The following IMMP2L variants were observed in gnomAD, a reference collection of about 807,000 sequenced individuals.
IMMP2L encodes the protein mitochondrial inner membrane protease subunit 2.
In IMMP2L, 18 loss-of-function variants were observed where a neutral mutation model predicts 19.3. That is an observed-to-expected ratio of 0.93 (90% CI 0.64 to 1.38). The LOEUF is 1.38. Among genes scored for constraint, IMMP2L ranks in the 40% most tolerant of loss-of-function variants. IMMP2L has a pLI of 0.00. For missense variants in IMMP2L, 233 were observed against 218.2 expected, an observed-to-expected ratio of 1.07 and a Z score of -0.43; for synonymous variants, 76 against 73.0, an observed-to-expected ratio of 1.04 and a Z score of -0.21.
Position 111,451,568 on chromosome 7 carries a change from G to C in IMMP2L, c.239+35670C>G, listed in dbSNP as rs1352050650. 2.4e-3 allele frequency among the ~76,000 whole-genome samples: 287 copies of C among 118,832 alleles called. 1 individual carries two copies. Among genetic ancestry groups the C allele is most frequent in the Non-Finnish European group, 3.8e-3 (217 of 57,568 alleles). The allele number at this position is 118,832 out of a possible 152,430, so 78.0% of individuals were successfully genotyped here. A position where few individuals can be genotyped will look rare whatever the true frequency, so the allele number is the denominator to read the frequency against. On this transcript the variant is annotated intron_variant, in intron 3 of 5. Coordinates refer to ENST00000405709, the MANE Select transcript of IMMP2L (RefSeq NM_032549.4). ...CACACTCTGGGGACTGTGGTGGGGA[G>C]GGGGGAGGGGGGAGGGATAGCATTG...
intron 3 of IMMP2L, among the ~76,000 whole-genome samples, chr7:111,034,851 C>T (rs904629178): frequency 2.0e-5 from 3 of 152,112 alleles, no homozygotes; most frequent in Non-Finnish European, 2.9e-5. Flanking sequence ...ACCAGAAACT[C>T]GTTCCAGCAC....
At chr7:111,377,288 T>A (rs1830760210) in intron 3 of IMMP2L, among the ~76,000 whole-genome samples, 1 of 151,914 alleles carries the variant, frequency 6.6e-6, no homozygotes, top group African/African-American at 2.4e-5. Context: ...TGCGTTCATA[T>A]ATATAAAGAA....
At chr7:110,928,042 A>G (rs2129551315) in intron 4 of IMMP2L, among the ~76,000 whole-genome samples, 1 of 152,136 alleles carries the variant, frequency 6.6e-6, no homozygotes, top group Middle Eastern at 3.4e-3. Flanking sequence ...CAGGGCCAGA[A>G]ATAAATAAAT....
At chr7:110,895,980 C>G (rs1333611588) in intron 4 of IMMP2L, among the ~76,000 whole-genome samples, 1 of 152,024 alleles carries the variant, frequency 6.6e-6, no homozygotes, top group Admixed American at 6.6e-5. Context: ...TGCCACCATG[C>G]CCCGCTAATT....
intron 5 of IMMP2L, among the ~76,000 whole-genome samples, chr7:110,811,141 C>G (rs1419717170): frequency 1.3e-5 from 2 of 151,916 alleles, no homozygotes; most frequent in African/African-American, 4.8e-5. Context: ...GTAATGAAAC[C>G]AGTGAAATTT....
At chr7:111,152,558 T>C (rs113027959) in intron 3 of IMMP2L, among the ~76,000 whole-genome samples, 4 of 152,258 alleles carry the variant, frequency 2.6e-5, no homozygotes, top group African/African-American at 9.6e-5. Flanking sequence ...TAGTTACATA[T>C]ACCCAAAGTT....
intron 4 of IMMP2L, among the ~76,000 whole-genome samples, chr7:110,941,630 T>A (rs2129553052): frequency 6.6e-6 from 1 of 152,314 alleles, no homozygotes; most frequent in Admixed American, 6.5e-5. Flanking sequence ...AATCACAATC[T>A]GGTTTTATTT....
chr7:110,693,379 C>T (rs1793646571), intron 5 of IMMP2L, among the ~76,000 whole-genome samples: 1 of 152,152 alleles, frequency 6.6e-6, no homozygotes, highest in African/African-American at 2.4e-5. Flanking sequence ...AATGGAAAAG[C>T]CTTCTATGTC....
At chr7:111,179,293 C>T (rs1356746469) in intron 3 of IMMP2L, among the ~76,000 whole-genome samples, 1 of 151,930 alleles carries the variant, frequency 6.6e-6, no homozygotes, top group Non-Finnish European at 1.5e-5. Context: ...AACCTGCAGC[C>T]CACAGGCTGC....
chr7:110,858,735 T>C (rs1022241868), intron 5 of IMMP2L, among the ~76,000 whole-genome samples: 6 of 152,026 alleles, frequency 3.9e-5, no homozygotes, highest in African/African-American at 1.2e-4. Context: ...GTATATCTCC[T>C]AATGCTATCC....
At chr7:110,913,315 G>C (rs1813257133) in intron 4 of IMMP2L, among the ~76,000 whole-genome samples, 1 of 152,084 alleles carries the variant, frequency 6.6e-6, no homozygotes, top group Non-Finnish European at 1.5e-5. Context: ...TACTTTGTTG[G>C]TTAGCAAATG....
intron 3 of IMMP2L, among the ~76,000 whole-genome samples, chr7:110,976,923 C>A (rs927978993): frequency 1.3e-5 from 2 of 151,960 alleles, no homozygotes; most frequent in Non-Finnish European, 2.9e-5. Flanking sequence ...AGGGAAAAAA[C>A]TCAATATTCT....
chr7:110,752,069 T>G (rs961909312), intron 5 of IMMP2L, among the ~76,000 whole-genome samples: 3 of 152,030 alleles, frequency 2.0e-5, no homozygotes, highest in African/African-American at 7.2e-5. Flanking sequence ...CTGTGATACT[T>G]ACATGTTTGT....
At chr7:111,082,854 C>T (rs1024426057) in intron 3 of IMMP2L, among the ~76,000 whole-genome samples, 6 of 126,990 alleles carry the variant, frequency 4.7e-5, no homozygotes, top group African/African-American at 1.5e-4. Context: ...AGCGATTTTG[C>T]CAAAAAAAAA....
At chr7:110,769,962 G>C (rs761586673) in intron 5 of IMMP2L, among the ~76,000 whole-genome samples, 16 of 152,082 alleles carry the variant, frequency 1.1e-4, no homozygotes, top group Non-Finnish European at 1.8e-4. Flanking sequence ...GAACTGTTGG[G>C]TTTCATAATG....
At chr7:111,099,945 C>G (rs1372684467) in intron 3 of IMMP2L, 1 of 151,458 alleles carries the variant, frequency 6.6e-6, no homozygotes, top group East Asian at 1.9e-4. Context: ...TTAACATGCT[C>G]CACAGCCCGG....
chr7:111,359,253 G>C (rs1216762371), intron 3 of IMMP2L, among the ~76,000 whole-genome samples: 1 of 151,998 alleles, frequency 6.6e-6, no homozygotes, highest in Non-Finnish European at 1.5e-5. Context: ...ACAAAAGCTA[G>C]GGCCAGGGCA....
At chr7:111,083,694 C>G (rs193169415) in intron 3 of IMMP2L, among the ~76,000 whole-genome samples, 1 of 152,162 alleles carries the variant, frequency 6.6e-6, no homozygotes, top group Non-Finnish European at 1.5e-5. Flanking sequence ...GACTGCCTCA[C>G]GGTACTGTAA....
Position 110,928,117 on chromosome 7 carries a change from A to T in IMMP2L, c.305+35383T>A, listed in dbSNP as rs1585301193. On this transcript the variant is annotated intron_variant, in intron 4 of 5. Coordinates refer to ENST00000405709, the MANE Select transcript of IMMP2L (RefSeq NM_032549.4). ...AACGAATGAAGTAGAAGAAAAAAAG[A>T]GTTTCTTCTCTTGCCTCTATTAAAA... Among the ~76,000 whole-genome samples the T allele has an allele frequency of 3.9e-5, 6 of 152,190 alleles. 2 individuals are homozygous for T. The highest frequency in any genetic ancestry group is 3.9e-4 in the Admixed American group (6 of 15,256).
Sources: allele counts gnomAD v4.1 joint callset (sites outside exome capture counted in the v4.1 genomes callset), GRCh38; gene constraint gnomAD v4.1.1; transcripts MANE v1.5; gene names NCBI Gene and HGNC (gene_info 2026-07-23, HGNC 2026-07-21).